The following RILPL2 variants were observed in gnomAD, a reference collection of about 807,000 sequenced individuals.
RILPL2 encodes Rab interacting lysosomal protein like 2.
A neutral mutation model predicts 22.2 loss-of-function variants in RILPL2; 19 were observed. The observed-to-expected ratio is 0.86, with a 90% CI of 0.60 to 1.25. The LOEUF (loss-of-function observed/expected upper bound fraction) is 1.25. RILPL2 is among the 50% of genes most tolerant of loss of function. The probability of loss-of-function intolerance (pLI) is 0.00; values close to 1 mark genes in which losing one functional copy is unlikely to be tolerated. For synonymous variants in RILPL2, 123 were observed against 111.6 expected, an observed-to-expected ratio of 1.10 and a Z score of -0.64; for missense variants, 243 against 263.6, an observed-to-expected ratio of 0.92 and a Z score of 0.54.
At chr12:123,426,837 C>T (rs575842511) in intron 2 of RILPL2, among the ~76,000 whole-genome samples, 3 of 151,464 alleles carry the variant, frequency 2.0e-5, no homozygotes, top group East Asian at 2.0e-4. Context: ...CTCCTGACCT[C>T]GTGATCTGCC....
intron 3 of RILPL2, among the ~76,000 whole-genome samples, chr12:123,418,086 C>T (rs2139232798): frequency 6.6e-6 from 1 of 152,124 alleles, no homozygotes; most frequent in Non-Finnish European, 1.5e-5. Flanking sequence ...ACATACCCGG[C>T]TAATTTTATT....
At chr12:123,418,711 G>A (rs1879185911) in intron 3 of RILPL2, among the ~76,000 whole-genome samples, 2 of 151,128 alleles carry the variant, frequency 1.3e-5, no homozygotes, top group Non-Finnish European at 2.9e-5. Context: ...AGATTTCTGA[G>A]CTTCATCCAA....
downstream of RILPL2, chr12:123,414,406 G>C (rs1879058541): frequency 6.5e-6 from 1 of 153,304 alleles, no homozygotes; most frequent in Non-Finnish European, 1.5e-5. Context: ...CAGCTGCTCC[G>C]AGTGCGGGGC....
intron 3 of RILPL2, among the ~76,000 whole-genome samples, chr12:123,421,520 T>C (rs1879282124): frequency 6.6e-6 from 1 of 152,086 alleles, no homozygotes; most frequent in South Asian, 2.1e-4. Flanking sequence ...CTTTGCTCTC[T>C]GGAAGCTACA....
intron 3 of RILPL2, among the ~76,000 whole-genome samples, chr12:123,420,953 C>T (rs1022577311): frequency 2.6e-5 from 4 of 152,084 alleles, no homozygotes; most frequent in Non-Finnish European, 4.4e-5. Flanking sequence ...TCAGTTTGCC[C>T]GTCTGTAAAA....
At chr12:123,421,655 A>G (rs1879284857) in intron 3 of RILPL2, among the ~76,000 whole-genome samples, 1 of 150,228 alleles carries the variant, frequency 6.7e-6, no homozygotes, top group African/African-American at 2.4e-5. Flanking sequence ...CCTGAGAAAG[A>G]AGGCCTGGGT....
At chr12:123,420,609 G>C (rs1227776348) in intron 3 of RILPL2, among the ~76,000 whole-genome samples, 2 of 151,084 alleles carry the variant, frequency 1.3e-5, no homozygotes, top group East Asian at 3.9e-4. Context: ...GCTAATTTTT[G>C]TATTTTTAGT....
At chr12:123,425,372 T>C (rs565557070) in intron 2 of RILPL2, among the ~76,000 whole-genome samples, 2 of 151,616 alleles carry the variant, frequency 1.3e-5, no homozygotes, top group Admixed American at 1.3e-4. Flanking sequence ...AGAGACGGGG[T>C]TTCACCATGT....
intron 1 of RILPL2, among the ~76,000 whole-genome samples, chr12:123,432,293 CCCAGGAGTTTGAGA>C (rs1331422891): frequency 1.3e-5 from 2 of 152,118 alleles, no homozygotes; most frequent in African/African-American, 4.8e-5. Flanking sequence ...ATCGTTTGAG[CCCAGGAGTTTGAGA>C]CCAGCCTGGA....
At chr12:123,427,350 A>G (rs551261343) in intron 2 of RILPL2, among the ~76,000 whole-genome samples, 2 of 152,212 alleles carry the variant, frequency 1.3e-5, no homozygotes, top group East Asian at 3.9e-4. Context: ...TTAACCCCAG[A>G]GGCCTAACAG....
chr12:123,436,073 C>G lies in RILPL2; in HGVS notation c.339+9G>C. 1.3e-6 allele frequency: 2 copies of G among 1,565,934 alleles called. No homozygotes were observed. Among genetic ancestry groups the G allele is most frequent in the Non-Finnish European group, 1.7e-6 (2 of 1,155,236 alleles). ...GCCGTGGGCCCGGAACCCTCGCTCCCACACTCACCTCCCCGCTGGCCGGAG... is the reference window on the plus strand; with the variant it reads ...GCCGTGGGCCCGGAACCCTCGCTCCGACACTCACCTCCCCGCTGGCCGGAG... On this transcript the variant is annotated intron_variant, in intron 1 of 3. Transcript: ENST00000280571. This position sits in a 1 kb window ranked among gnomAD's most constrained non-coding sequence, Gnocchi z 6.7.
At chr12:123,430,707 T>A in intron 1 of RILPL2, 48 bp from the exon 2 acceptor site, 4 of 1,102,678 alleles carry the variant, frequency 3.6e-6, no homozygotes, top group Non-Finnish European at 4.6e-6. Context: ...ATAATTAAAT[T>A]ATTATTATTA....
chr12:123,430,610 C>T lies in RILPL2; in HGVS notation c.389G>A (p.Arg130Gln), dbSNP rs1418224528. The T allele has an allele frequency of 4.3e-6, 7 of 1,610,788 alleles. No homozygotes were observed. The highest frequency in any genetic ancestry group is 1.7e-5 in the Admixed American group (1 of 59,896). The change falls in exon 2 of 4, where the codon CGA becomes CAA. Residue 130 changes from arginine to glutamine, a missense_variant. Physicochemically the swap from Arg to Gln is conservative, Grantham distance 43. Transcript: ENST00000280571. ...KMVVDLTDPN[R>Q]PRFTLQELRD... ...TAGCTCCTGCAGAGTGAAGCGGGGT[C>T]GGTTGGGATCTGTCAGGTCAACCAC...
chr12:123,410,496 A>G (rs1371431477), downstream of RILPL2, among the ~76,000 whole-genome samples: 1 of 152,166 alleles, frequency 6.6e-6, no homozygotes, highest in African/African-American at 2.4e-5. Context: ...ATCTCTGCCC[A>G]CTTGACTTGC....
intron 2 of RILPL2, among the ~76,000 whole-genome samples, chr12:123,429,837 A>T (rs1879565341): frequency 6.6e-6 from 1 of 151,494 alleles, no homozygotes; most frequent in African/African-American, 2.4e-5. Context: ...TCCAATGGCC[A>T]GGTGTGGTGG....
chr12:123,430,679 CT>C lies in RILPL2; in HGVS notation c.340-21del. On this transcript the variant is annotated intron_variant, in intron 1 of 3. Transcript: ENST00000280571. ...GTTCACCTGGAAGAAAAGACGCAACCTTTGCAAGCAACTCTATATAATTAAA... is the reference window on the plus strand; with the variant it reads ...GTTCACCTGGAAGAAAAGACGCAACCTTGCAAGCAACTCTATATAATTAAA... 1 of 1,552,534 alleles carries C rather than the reference CT, an allele frequency of 6.4e-7. No individual in the cohort carries two copies. The highest frequency in any genetic ancestry group is 8.7e-7 in the Non-Finnish European group (1 of 1,147,050).
chr12:123,413,828 TACAGAGTGTGGAC>T (rs1879041877), downstream of RILPL2: 1 of 152,144 alleles, frequency 6.6e-6, no homozygotes, highest in African/African-American at 2.4e-5. Context: ...ATTAGCTAGA[TACAGAGTGTGGAC>T]ACAAAGGTTC....
downstream of RILPL2, among the ~76,000 whole-genome samples, chr12:123,410,309 C>G (rs1484892471): frequency 6.6e-6 from 1 of 152,158 alleles, no homozygotes; most frequent in African/African-American, 2.4e-5. Flanking sequence ...GTCCCTATTA[C>G]CAGCCCAGAT....
intron 3 of RILPL2, among the ~76,000 whole-genome samples, chr12:123,420,987 C>T (rs981136425): frequency 1.4e-4 from 22 of 151,952 alleles, no homozygotes; most frequent in Admixed American, 1.2e-3. Flanking sequence ...TAGATGTTTA[C>T]TCAGCTCAGT....
Sources: gnomAD v4.1 joint callset for allele counts (sites outside exome capture counted in the v4.1 genomes callset) on GRCh38, gnomAD v4.1.1 for gene constraint, Gnocchi (gnomAD v3.1) non-coding constraint, MANE v1.5 for transcripts, NCBI Gene and HGNC (gene_info 2026-07-23, HGNC 2026-07-21) for gene names.